PRIM2: variants seen among roughly 807,000 people sequenced by gnomAD.
PRIM2 encodes DNA primase subunit 2.
Under a neutral mutation model 67.3 loss-of-function variants are expected in PRIM2, and 39 were observed. The observed-to-expected ratio is 0.58, with a 90% confidence interval of 0.45 to 0.76. PRIM2 has a LOEUF of 0.76. Ranked by LOEUF, PRIM2 falls within the 30% of genes least tolerant of loss-of-function variation. The pLI, the probability that PRIM2 is intolerant of heterozygous loss-of-function variation, is 0.00. For missense variants in PRIM2, 398 were observed against 598.7 expected, an observed-to-expected ratio of 0.66 and a Z score of 3.50; for synonymous variants, 143 against 198.7, an observed-to-expected ratio of 0.72 and a Z score of 2.36.
At chr6:57,294,814 CTT>C in the PRIM2 span, among the ~76,000 whole-genome samples, 5 of 144,050 alleles carry the variant, frequency 3.5e-5, no homozygotes, top group African/African-American at 2.5e-5. Flanking sequence ...CATTTTATGA[CTT>C]TTTTTTTTTT....
At chr6:57,409,916 TTA>T (rs1365997043) in intron 7 of PRIM2, among the ~76,000 whole-genome samples, 12 of 152,346 alleles carry the variant, frequency 7.9e-5, no homozygotes, top group Admixed American at 3.3e-4. Flanking sequence ...TTTTGAAATT[TTA>T]TAGTTTTAGC....
upstream of PRIM2, among the ~76,000 whole-genome samples, chr6:57,316,110 G>C (rs1370001059): frequency 6.6e-6 from 1 of 152,180 alleles, no homozygotes; most frequent in African/African-American, 2.4e-5. Flanking sequence ...GACATTTTGT[G>C]TCCTTTTGAC....
upstream of PRIM2, among the ~76,000 whole-genome samples, chr6:57,311,813 G>C (rs570703759): frequency 6.6e-6 from 1 of 152,264 alleles, no homozygotes; most frequent in South Asian, 2.1e-4. Flanking sequence ...GATCATCCGA[G>C]GCCAGGAGCT....
chr6:57,566,266 C>T (rs1775738364), intron 10 of PRIM2, among the ~76,000 whole-genome samples: 1 of 150,242 alleles, frequency 6.7e-6, no homozygotes, highest in Non-Finnish European at 1.5e-5. Flanking sequence ...ATAAGTGGTA[C>T]TTTATTTTTC....
intron 5 of PRIM2, among the ~76,000 whole-genome samples, chr6:57,374,555 G>T (rs1769688930): frequency 6.7e-6 from 1 of 150,338 alleles, no homozygotes; most frequent in African/African-American, 2.4e-5. Context: ...GCCTCCCAAA[G>T]TGCTGGGATT....
At chr6:57,459,839 A>G (rs1404397654) in intron 7 of PRIM2, among the ~76,000 whole-genome samples, 2 of 152,306 alleles carry the variant, frequency 1.3e-5, no homozygotes, top group African/African-American at 4.8e-5. Context: ...CATCTCTACA[A>G]AACCTTCACA....
chr6:57,387,918 A>G (rs1226331289), intron 7 of PRIM2, among the ~76,000 whole-genome samples: 2 of 151,780 alleles, frequency 1.3e-5, no homozygotes, highest in Non-Finnish European at 2.9e-5. Context: ...AACAATAACA[A>G]TATTGTAAAT....
chr6:57,504,060 G>A (rs1774201041), intron 7 of PRIM2, among the ~76,000 whole-genome samples: 1 of 152,190 alleles, frequency 6.6e-6, no homozygotes, highest in South Asian at 2.1e-4. Context: ...GAGATTAGGT[G>A]AAGGCTTCTG....
intron 8 of PRIM2, among the ~76,000 whole-genome samples, chr6:57,509,554 C>T (rs2127460345): frequency 6.6e-6 from 1 of 152,132 alleles, no homozygotes; most frequent in East Asian, 1.9e-4. Context: ...CAATTTCATT[C>T]TGGAGGAAGT....
intron 10 of PRIM2, among the ~76,000 whole-genome samples, chr6:57,540,563 A>G (rs1458018932): frequency 2.0e-5 from 3 of 152,236 alleles, no homozygotes; most frequent in Non-Finnish European, 4.4e-5. Context: ...GATGAACCAC[A>G]TAGCCTAGAA....
chr6:57,589,714 C>T (rs1278850650), intron 10 of PRIM2, among the ~76,000 whole-genome samples: 8 of 152,176 alleles, frequency 5.3e-5, no homozygotes, highest in Middle Eastern at 3.4e-3. Flanking sequence ...CCACCATAGC[C>T]GAAGAGAGTT....
chr6:57,280,333 T>C, the PRIM2 span, among the ~76,000 whole-genome samples: 1 of 152,192 alleles, frequency 6.6e-6, no homozygotes, highest in Non-Finnish European at 1.5e-5. Context: ...TATACAACTT[T>C]ACATTTGCTT....
At chr6:57,385,644 C>T (rs1469553394) in intron 7 of PRIM2, among the ~76,000 whole-genome samples, 8 of 152,210 alleles carry the variant, frequency 5.3e-5, no homozygotes, top group African/African-American at 1.4e-4. Context: ...TTAGTTGTCA[C>T]GTCTCTTTAA....
chr6:57,306,836 C>CA, the PRIM2 span, among the ~76,000 whole-genome samples: 1 of 152,066 alleles, frequency 6.6e-6, no homozygotes, highest in Non-Finnish European at 1.5e-5. Flanking sequence ...ATTCCACTTT[C>CA]AAAAAAACTT....
chr6:57,476,426 G>A (rs1269738083), intron 7 of PRIM2, among the ~76,000 whole-genome samples: 1 of 152,128 alleles, frequency 6.6e-6, no homozygotes, highest in Admixed American at 6.5e-5. Flanking sequence ...TAAATACCAA[G>A]TTGCAGCTAC....
the PRIM2 span, among the ~76,000 whole-genome samples, chr6:57,232,543 T>C: frequency 0.91 from 138,980 of 152,182 alleles, 63,655 homozygotes; most frequent in African/African-American, 0.97. Flanking sequence ...AGTAAGACTC[T>C]GTCAAAAAAA....
At chr6:57,335,345 T>G (rs1238244004) in intron 5 of PRIM2, among the ~76,000 whole-genome samples, 2 of 152,276 alleles carry the variant, frequency 1.3e-5, no homozygotes, top group African/African-American at 4.8e-5. Flanking sequence ...AAGCTGGAAC[T>G]GGGTGGAGCC....
At chr6:57,247,879 G>A in the PRIM2 span, among the ~76,000 whole-genome samples, 3 of 152,244 alleles carry the variant, frequency 2.0e-5, no homozygotes, top group South Asian at 6.2e-4. Context: ...TAGTGGGTGA[G>A]CATGAGTTTC....
chr6:57,375,022 T>C (rs1769710564), intron 5 of PRIM2, among the ~76,000 whole-genome samples: 5 of 152,394 alleles, frequency 3.3e-5, no homozygotes, highest in African/African-American at 1.2e-4. Flanking sequence ...ACAAAGATAG[T>C]TTGACTTTCT....
Sources: allele counts gnomAD v4.1 joint callset (sites outside exome capture counted in the v4.1 genomes callset), GRCh38; gene constraint gnomAD v4.1.1; transcripts MANE v1.5; gene names NCBI Gene and HGNC (gene_info 2026-07-23, HGNC 2026-07-21).